Variants in PIGN observed in about 807,000 individuals in gnomAD.
The protein encoded by PIGN is GPI ethanolamine phosphate transferase 1.
Under a neutral mutation model 125.4 loss-of-function variants are expected in PIGN, and 117 were observed. The ratio of observed to expected loss-of-function variants is 0.93; its 90% CI spans 0.80 to 1.09. The LOEUF (loss-of-function observed/expected upper bound fraction) is 1.09. Ranked by LOEUF, PIGN falls within the 50% of genes least tolerant of loss-of-function variation. PIGN has a pLI of 0.00. For synonymous variants in PIGN, 392 were observed against 377.8 expected (o/e 1.04, Z -0.44); for missense variants, 1,075 against 1,094.9 (o/e 0.98, Z 0.26).
chr18:62,035,738 C>T lies in PIGN; in HGVS notation c.2143-17997G>A, dbSNP rs559129122. Among the ~76,000 whole-genome samples, 8 of 150,912 alleles carry T rather than the reference C, an allele frequency of 5.3e-5. No individual in the cohort carries two copies. In the East Asian group the frequency reaches 1.6e-3, roughly 30 times the overall value. ...TCCCCATCCTGTGTCCAAGTGTTCT[C>T]ATTGTTCGATTCCCACCTATGAGTG... On this transcript the variant is annotated intron_variant, in intron 23 of 24. Transcript: ENST00000639600.
rs73452719 is a variant in PIGN at position 62,074,193 on chromosome 18, A to G, written c.2619+586T>C. Among the ~76,000 whole-genome samples, 883 of 152,356 alleles carry G rather than the reference A, an allele frequency of 5.8e-3. 14 individuals carry two copies. Among genetic ancestry groups the G allele is most frequent in the East Asian group, 0.049 (252 of 5,182 alleles). ...GCACTGGAATAAACTGTAACTGAAT[A>G]TAACAGCATTCAGTGATTTCAGTGA... On this transcript the variant is annotated intron_variant, in intron 29 of 30. Transcript: ENST00000640252.
intron 7 of PIGN, among the ~76,000 whole-genome samples, chr18:62,152,371 C>T (rs537500596): frequency 5.2e-4 from 79 of 151,546 alleles, no homozygotes; most frequent in Non-Finnish European, 9.4e-4. Context: ...TCTGTGTTGA[C>T]GTTAATGCCA....
chr18:62,120,112 C>T (rs1158533172), intron 14 of PIGN, among the ~76,000 whole-genome samples: 1 of 152,000 alleles, frequency 6.6e-6, no homozygotes, highest in Non-Finnish European at 1.5e-5. Context: ...CATCTACAAA[C>T]CCCAAGCAAA....
At chr18:62,184,400 C>T (rs2037822921) in intron 1 of PIGN, 1 of 152,128 alleles carries the variant, frequency 6.6e-6, no homozygotes, top group Non-Finnish European at 1.5e-5. Context: ...TTTCCCAACA[C>T]TATTAATAAT....
chr18:62,117,305 G>T (rs1296709390), intron 14 of PIGN, among the ~76,000 whole-genome samples: 1 of 151,872 alleles, frequency 6.6e-6, no homozygotes, highest in Non-Finnish European at 1.5e-5. Context: ...ATAAAGTCTA[G>T]AATATAGAGT....
intron 16 of PIGN, among the ~76,000 whole-genome samples, chr18:62,111,570 G>T (rs2034881817): frequency 6.6e-6 from 1 of 151,866 alleles, no homozygotes; most frequent in Non-Finnish European, 1.5e-5. Flanking sequence ...CTGGTAAGGT[G>T]GTTGGTTATA....
chr18:62,163,556 A>C lies in PIGN; in HGVS notation c.-135T>G, dbSNP rs543268355. ...CTTCCAGGTTTATCATCATCTGTTC[A>C]AAAAGATTTAGCTTTTAAGGAACAT... On this transcript the variant is annotated 5_prime_UTR_variant, in exon 2 of 31. Transcript: ENST00000640252. 1.3e-5 allele frequency: 2 copies of C among 152,316 alleles called. No homozygotes were observed. Among genetic ancestry groups the C allele is most frequent in the East Asian group, 3.9e-4 (2 of 5,190 alleles). 9.4% of individuals were successfully genotyped at this position (152,316 alleles called of 1,614,324 possible). A position where few individuals can be genotyped will look rare whatever the true frequency, so the allele number is the denominator to read the frequency against.
rs1303302566 is a variant in PIGN at position 62,162,300 on chromosome 18, A to G, written c.-80T>C. ...GGAACATGGGAGTACTTTCCAAGCC[A>G]GTGTGTAATTTGCTATTGTTGGTGA... On this transcript the variant is annotated 5_prime_UTR_variant, in exon 3 of 31. Coordinates refer to ENST00000640252, the MANE Select transcript of PIGN (RefSeq NM_176787.5). 1 of 152,154 alleles carries G rather than the reference A, an allele frequency of 6.6e-6. No homozygotes were observed. Among genetic ancestry groups the G allele is most frequent in the African/African-American group, 2.4e-5 (1 of 41,450 alleles). The allele number at this position is 152,154 out of a possible 1,614,324, so 9.4% of individuals were successfully genotyped here.
Position 62,082,733 on chromosome 18 carries a change from A to G in PIGN, c.2516T>C (p.Phe839Ser). ...ALMMWKILIP[F>S]VLVMCAFEAV... ...TTCAAAAGCACACATAACAAGAACA[A>G]AGGGGATTAAAATCTGTAAAAGAAC... The change falls in exon 28 of 31, where the codon TTT becomes TCT. Residue 839 changes from phenylalanine (F) to serine (S), a missense_variant. Physicochemically the swap from Phe to Ser is radical, Grantham distance 155 (BLOSUM62 -2). Transcript: ENST00000640252. The G allele has an allele frequency of 6.5e-7, 1 of 1,538,830 alleles. No individual in the cohort carries two copies.
intron 1 of PIGN, among the ~76,000 whole-genome samples, chr18:62,171,064 G>C (rs944826294): frequency 2.6e-5 from 4 of 152,124 alleles, no homozygotes; most frequent in Non-Finnish European, 5.9e-5. Flanking sequence ...GTTTGGAATG[G>C]AGTTAAATCC....
chr18:62,055,328 A>C (rs1384878826), intron 30 of PIGN, among the ~76,000 whole-genome samples: 2 of 152,260 alleles, frequency 1.3e-5, no homozygotes, highest in African/African-American at 4.8e-5. Flanking sequence ...AGAAGTAACG[A>C]ACTACTGAAA....
chr18:62,150,505 T>A (rs2036491338), intron 7 of PIGN, among the ~76,000 whole-genome samples: 1 of 152,106 alleles, frequency 6.6e-6, no homozygotes, highest in Non-Finnish European at 1.5e-5. Flanking sequence ...CTGAGTTTTT[T>A]AAAGTAAATA....
chr18:62,026,034 G>T (rs1054448453), intron 23 of PIGN, among the ~76,000 whole-genome samples: 5 of 152,098 alleles, frequency 3.3e-5, no homozygotes, highest in African/African-American at 1.2e-4. Context: ...GAAGTTATTG[G>T]TGTCCCTCCT....
chr18:62,095,424 T>C (rs1343926403), intron 23 of PIGN, among the ~76,000 whole-genome samples: 1 of 152,030 alleles, frequency 6.6e-6, no homozygotes, highest in Non-Finnish European at 1.5e-5. Context: ...GTTCTCTGAA[T>C]CAAATGAATA....
intron 30 of PIGN, among the ~76,000 whole-genome samples, chr18:62,053,547 G>T (rs75623033): frequency 6.6e-6 from 1 of 152,132 alleles, no homozygotes; most frequent in African/African-American, 2.4e-5. Context: ...ACCACATGCT[G>T]TCTAAAAGAC....
intron 29 of PIGN, among the ~76,000 whole-genome samples, chr18:62,074,356 T>C (rs779828250): frequency 4.6e-5 from 7 of 152,214 alleles, no homozygotes; most frequent in Non-Finnish European, 1.0e-4. Context: ...TACGTCTTGA[T>C]TAACATCTTC....
At chr18:62,183,197 T>C (rs1438963951) in intron 1 of PIGN, among the ~76,000 whole-genome samples, 1 of 149,740 alleles carries the variant, frequency 6.7e-6, no homozygotes, top group Non-Finnish European at 1.5e-5. Context: ...AAGAACATCA[T>C]GTACACAATG....
intron 1 of PIGN, among the ~76,000 whole-genome samples, chr18:62,167,818 T>G (rs970922407): frequency 6.6e-6 from 1 of 152,106 alleles, no homozygotes; most frequent in Non-Finnish European, 1.5e-5. Flanking sequence ...TTTCACATGT[T>G]TAATGGACAT....
At chr18:62,022,206 C>T (rs530166345) in intron 23 of PIGN, among the ~76,000 whole-genome samples, 16 of 152,268 alleles carry the variant, frequency 1.1e-4, no homozygotes, top group African/African-American at 3.4e-4. Context: ...GGATCATATA[C>T]AGTCTTTACA....
Sources: allele counts gnomAD v4.1 joint callset (sites outside exome capture counted in the v4.1 genomes callset), GRCh38; gene constraint gnomAD v4.1.1; transcripts MANE v1.5; gene names NCBI Gene and HGNC (gene_info 2026-07-23, HGNC 2026-07-21).